Variants in TPST1 observed in about 807,000 individuals in gnomAD.
TPST1 encodes the protein tyrosylprotein sulfotransferase 1, also known as protein-tyrosine sulfotransferase 1.
TPST1 carries 20 observed loss-of-function variants against 34.8 expected under a neutral mutation model. The ratio of observed to expected loss-of-function variants is 0.57; its 90% CI spans 0.40 to 0.84. The LOEUF (loss-of-function observed/expected upper bound fraction) is 0.84, where lower values mean the gene tolerates loss of function less well. Ranked by LOEUF, TPST1 falls within the 40% of genes least tolerant of loss-of-function variation. The probability of loss-of-function intolerance (pLI) is 0.00; values close to 1 mark genes in which losing one functional copy is unlikely to be tolerated. For missense variants in TPST1, 353 were observed against 455.5 expected (o/e 0.78, Z 2.05); for synonymous variants, 152 against 159.4 (o/e 0.95, Z 0.35).
chr7:66,219,677 T>C (rs549829829), intron 1 of TPST1, among the ~76,000 whole-genome samples: 7 of 152,328 alleles, frequency 4.6e-5, no homozygotes, highest in African/African-American at 1.7e-4. Flanking sequence ...GCCTTATAAA[T>C]AATAGCAGAT....
chr7:66,357,374 G>A (rs754745251), intron 5 of TPST1, among the ~76,000 whole-genome samples: 4 of 152,172 alleles, frequency 2.6e-5, no homozygotes, highest in East Asian at 1.9e-4. Context: ...GGCTTTCTTC[G>A]TGTGCTGGAC....
At chr7:66,265,380 T>A (rs1049640180) in intron 2 of TPST1, among the ~76,000 whole-genome samples, 2 of 151,792 alleles carry the variant, frequency 1.3e-5, no homozygotes, top group Non-Finnish European at 2.9e-5. Flanking sequence ...TGAAACCCTG[T>A]CTCTACAAAA....
At chr7:66,310,454 T>C (rs1321828991) in intron 3 of TPST1, among the ~76,000 whole-genome samples, 1 of 152,200 alleles carries the variant, frequency 6.6e-6, no homozygotes, top group Non-Finnish European at 1.5e-5. Context: ...TTGTTATGTG[T>C]TTGACATACT....
chr7:66,339,731 C>T (rs548887165), intron 3 of TPST1, among the ~76,000 whole-genome samples: 76 of 150,470 alleles, frequency 5.1e-4, no homozygotes, highest in Non-Finnish European at 8.6e-4. Context: ...AATACCTATT[C>T]GGTACTATGC....
intron 1 of TPST1, among the ~76,000 whole-genome samples, chr7:66,228,287 A>G (rs1310411855): frequency 6.6e-6 from 1 of 152,204 alleles, no homozygotes; most frequent in Admixed American, 6.5e-5. Flanking sequence ...TTGTTTTCCT[A>G]CAATCAAATT....
chr7:66,236,490 T>C (rs2116380760), intron 1 of TPST1, among the ~76,000 whole-genome samples: 1 of 152,276 alleles, frequency 6.6e-6, no homozygotes, highest in Non-Finnish European at 1.5e-5. Flanking sequence ...GTATATGTAC[T>C]TTATTTAAGT....
intron 3 of TPST1, among the ~76,000 whole-genome samples, chr7:66,309,510 G>A (rs975514309): frequency 8.5e-5 from 13 of 152,116 alleles, no homozygotes; most frequent in Admixed American, 7.9e-4. Flanking sequence ...AGCCCTCTGA[G>A]GGTCACAGCA....
intron 2 of TPST1, among the ~76,000 whole-genome samples, chr7:66,277,168 C>G (rs919321724): frequency 6.6e-6 from 1 of 152,146 alleles, no homozygotes; most frequent in Admixed American, 6.5e-5. Context: ...ATGTCCTGTC[C>G]TGGAAAGGAG....
At chr7:66,235,046 G>A (rs1037543694) in intron 1 of TPST1, among the ~76,000 whole-genome samples, 3 of 151,980 alleles carry the variant, frequency 2.0e-5, no homozygotes, top group Non-Finnish European at 2.9e-5. Flanking sequence ...TAATAGGATC[G>A]ACTCTTCTCT....
intron 3 of TPST1, 113 bp downstream of exon 3, chr7:66,286,822 T>TTTTTTTTTTTTG: frequency 3.1e-6 from 2 of 646,272 alleles, no homozygotes; most frequent in Non-Finnish European, 4.3e-6. Context: ...AATATATTTT[T>TTTTTTTTTTTTG]TTTTTTTTTC....
At chr7:66,236,060 T>C (rs1351452490) in intron 1 of TPST1, among the ~76,000 whole-genome samples, 1 of 152,120 alleles carries the variant, frequency 6.6e-6, no homozygotes, top group African/African-American at 2.4e-5. Flanking sequence ...AAAAAGGAAT[T>C]CATTACTAGA....
chr7:66,309,626 G>A (rs751219019), intron 3 of TPST1, among the ~76,000 whole-genome samples: 1 of 152,174 alleles, frequency 6.6e-6, no homozygotes, highest in Non-Finnish European at 1.5e-5. Flanking sequence ...CTCTGGTAGG[G>A]AGGGCCACTG....
intron 4 of TPST1, among the ~76,000 whole-genome samples, chr7:66,356,402 G>T (rs975289298): frequency 6.6e-6 from 1 of 152,184 alleles, no homozygotes; most frequent in Non-Finnish European, 1.5e-5. Context: ...TTTTATTGGG[G>T]TTTATTTATG....
intron 3 of TPST1, among the ~76,000 whole-genome samples, chr7:66,351,787 C>T (rs914217878): frequency 1.3e-5 from 2 of 151,252 alleles, no homozygotes; most frequent in African/African-American, 2.4e-5. Flanking sequence ...TTATGTGGGT[C>T]TTTAATTTCT....
rs1789975984 is a variant in TPST1, at chr7:66,239,239, C to T, written c.-101-1086C>T. ...CAAATGATCCTCCCATCTCGGTCTC[C>T]CAAAGAGCTGTGATTACAGGCGTAA... On this transcript the variant is annotated intron_variant, in intron 1 of 5. Transcript: ENST00000304842. 4.6e-5 allele frequency among the ~76,000 whole-genome samples: 7 copies of T among 152,168 alleles called. No individual in the cohort carries two copies. In the South Asian group the frequency reaches 1.5e-3, roughly 32 times the overall value.
intron 2 of TPST1, among the ~76,000 whole-genome samples, chr7:66,257,239 A>C (rs537108688): frequency 3.0e-4 from 46 of 152,320 alleles, no homozygotes; most frequent in East Asian, 5.8e-4. Flanking sequence ...AAAGTTTTTA[A>C]AATACAGTTC....
chr7:66,268,671 G>T (rs1790638575), intron 2 of TPST1, among the ~76,000 whole-genome samples: 1 of 152,010 alleles, frequency 6.6e-6, no homozygotes, highest in South Asian at 2.1e-4. Context: ...TATCATAAAG[G>T]ATGAGGAAAG....
chr7:66,336,717 A>C (rs1016257927), intron 3 of TPST1, among the ~76,000 whole-genome samples: 1 of 152,228 alleles, frequency 6.6e-6, no homozygotes, highest in Non-Finnish European at 1.5e-5. Flanking sequence ...TCCCAAATCT[A>C]GAGAAAGATG....
intron 4 of TPST1, among the ~76,000 whole-genome samples, chr7:66,354,522 CAAAAAAAAAAAAAAAA>C (rs66521537): frequency 3.3e-5 from 2 of 60,814 alleles, no homozygotes; most frequent in Non-Finnish European, 5.5e-5. Flanking sequence ...GAGTCTGTCT[CAAAAAAAAAAAAAAAA>C]AAAAAAAAAA....
Sources: gnomAD v4.1 joint callset for allele counts (sites outside exome capture counted in the v4.1 genomes callset) on GRCh38, gnomAD v4.1.1 for gene constraint, MANE v1.5 for transcripts, NCBI Gene and HGNC (gene_info 2026-07-23, HGNC 2026-07-21) for gene names.